The following ZC3H12C variants were observed in gnomAD, a reference collection of about 807,000 sequenced individuals.
The protein encoded by ZC3H12C is probable ribonuclease ZC3H12C.
A neutral mutation model predicts 76.3 loss-of-function variants in ZC3H12C; 20 were observed. The ratio of observed to expected loss-of-function variants is 0.26; its 90% confidence interval spans 0.18 to 0.38. ZC3H12C has a LOEUF of 0.38. Among genes scored for constraint, ZC3H12C ranks in the 10% least tolerant of loss-of-function variants. The pLI is 1.00. For missense variants in ZC3H12C, 874 were observed against 1,086.5 expected, an observed-to-expected ratio of 0.80 and a Z score of 2.75; for synonymous variants, 352 against 399.6, an observed-to-expected ratio of 0.88 and a Z score of 1.42.
At chr11:110,160,988 C>G (rs1294129019) in intron 4 of ZC3H12C, among the ~76,000 whole-genome samples, 2 of 150,050 alleles carry the variant, frequency 1.3e-5, no homozygotes, top group Admixed American at 1.3e-4. Context: ...AGGCACGCCC[C>G]ATCACACCTG....
intron 1 of ZC3H12C, among the ~76,000 whole-genome samples, chr11:110,098,092 T>C (rs760024987): frequency 6.6e-6 from 1 of 152,166 alleles, no homozygotes; most frequent in Non-Finnish European, 1.5e-5. Flanking sequence ...GGCATTATCA[T>C]AGGAGGTGAC....
At chr11:110,104,283 T>A (rs1861278115) in intron 1 of ZC3H12C, among the ~76,000 whole-genome samples, 1 of 152,042 alleles carries the variant, frequency 6.6e-6, no homozygotes, top group African/African-American at 2.4e-5. Flanking sequence ...GGTCTTGAAC[T>A]CCTGACCTCA....
intron 2 of ZC3H12C, among the ~76,000 whole-genome samples, chr11:110,138,660 G>A (rs1384183807): frequency 6.6e-6 from 1 of 151,544 alleles, no homozygotes; most frequent in Non-Finnish European, 1.5e-5. Context: ...AGGTTCAAGC[G>A]ATTCTTGTGC....
chr11:110,165,919 T>C lies in ZC3H12C; in HGVS notation c.*182T>C, dbSNP rs1444349334. On this transcript the variant is annotated 3_prime_UTR_variant, in exon 6 of 6. Transcript: ENST00000278590. ...CCCACATGGTGGAAGTATCACGGGA[T>C]TGCTTTACATTTAAACTTTTTTTTT... The C allele has an allele frequency of 1.6e-6, 1 of 621,530 alleles. No individual in the cohort carries two copies. Among genetic ancestry groups the C allele is most frequent in the African/African-American group, 1.9e-5 (1 of 51,446 alleles). The allele number at this position is 621,530 out of a possible 1,614,324, so 38.5% of individuals were successfully genotyped here. A position where few individuals can be genotyped will look rare whatever the true frequency, so the allele number is the denominator to read the frequency against.
chr11:110,106,753 G>C (rs1203233415), intron 1 of ZC3H12C, among the ~76,000 whole-genome samples: 2 of 152,110 alleles, frequency 1.3e-5, no homozygotes, highest in Non-Finnish European at 1.5e-5. Flanking sequence ...GTAATCATCT[G>C]GCTACCTTAC....
rs749388411 is a variant in ZC3H12C, at chr11:110,127,895, CA to C, written c.22-8753del. 5.6e-3 allele frequency among the ~76,000 whole-genome samples: 285 copies of C among 50,808 alleles called. 2 individuals are homozygous for C. Among genetic ancestry groups the C allele is most frequent in the Admixed American group, 6.5e-3 (30 of 4,626 alleles). The allele number at this position is 50,808 out of a possible 152,430, so 33.3% of individuals were successfully genotyped here. On this transcript the variant is annotated intron_variant, in intron 1 of 5. Transcript: ENST00000278590. ...TGGACAACACAGTGAGACTTACTCT[CA>C]AAAAAAAAAAAAAAGAGATTACATA...
At position 110,117,208 on chromosome 11, in the gene ZC3H12C, T is replaced by G. The variant is rs143012832; in HGVS notation, c.22-19455T>G. Among the ~76,000 whole-genome samples, 4 of 152,348 alleles carry G rather than the reference T, an allele frequency of 2.6e-5. No homozygotes were observed. The East Asian group carries it at 5.8e-4, about 22-fold the overall frequency. On this transcript the variant is annotated intron_variant, in intron 1 of 5. Coordinates refer to ENST00000278590, the MANE Select transcript of ZC3H12C (RefSeq NM_033390.2). ...GTTTAAAGAAAGTGACAAGCCATTCTTATGATTATTGATGTAAAAATTCTT... is the reference window on the plus strand; with the variant it reads ...GTTTAAAGAAAGTGACAAGCCATTCGTATGATTATTGATGTAAAAATTCTT...
At chr11:110,112,573 A>C (rs1018160999) in intron 1 of ZC3H12C, among the ~76,000 whole-genome samples, 1 of 152,232 alleles carries the variant, frequency 6.6e-6, no homozygotes, top group Admixed American at 6.5e-5. Flanking sequence ...AAATGGCAGC[A>C]CTAAGCGCTG....
At chr11:110,112,203 A>G (rs1038348531) in intron 1 of ZC3H12C, among the ~76,000 whole-genome samples, 3 of 152,170 alleles carry the variant, frequency 2.0e-5, no homozygotes, top group Admixed American at 2.0e-4. Context: ...TTTGGAACAT[A>G]TACATATATT....
intron 4 of ZC3H12C, among the ~76,000 whole-genome samples, chr11:110,160,326 TA>T (rs1862457008): frequency 6.6e-6 from 1 of 152,170 alleles, no homozygotes; most frequent in Non-Finnish European, 1.5e-5. Context: ...TATCAAAAAA[TA>T]CTTTTCTTTT....
chr11:110,102,531 A>C (rs2134145220), intron 1 of ZC3H12C, among the ~76,000 whole-genome samples: 1 of 152,250 alleles, frequency 6.6e-6, no homozygotes, highest in Admixed American at 6.5e-5. Flanking sequence ...GTGGTTTCTT[A>C]ATTTGGAATC....
chr11:110,102,886 T>C (rs1861244512), intron 1 of ZC3H12C, among the ~76,000 whole-genome samples: 1 of 152,182 alleles, frequency 6.6e-6, no homozygotes, highest in Non-Finnish European at 1.5e-5. Flanking sequence ...GCTCAGATAA[T>C]CATTAGAATT....
At chr11:110,151,237 T>G (rs1862266688) in intron 2 of ZC3H12C, among the ~76,000 whole-genome samples, 2 of 152,186 alleles carry the variant, frequency 1.3e-5, no homozygotes, top group African/African-American at 4.8e-5. Flanking sequence ...GTTATTTAAT[T>G]ATTTAGGAGA....
chr11:110,158,634 G>A (rs951231272), intron 3 of ZC3H12C, among the ~76,000 whole-genome samples: 4 of 152,156 alleles, frequency 2.6e-5, no homozygotes, highest in Non-Finnish European at 5.9e-5. Context: ...CCACAAGAAT[G>A]CTGGCATTTG....
chr11:110,148,738 C>A (rs1266412590), intron 2 of ZC3H12C, among the ~76,000 whole-genome samples: 4 of 152,196 alleles, frequency 2.6e-5, no homozygotes, highest in Non-Finnish European at 4.4e-5. Context: ...AGCAGAAAAC[C>A]CCTGCATCCA....
rs1008437650 is a variant in ZC3H12C at position 110,168,333 on chromosome 11, A to C, written c.*2596A>C. 2 of 152,036 alleles carry C rather than the reference A, an allele frequency of 1.3e-5. No homozygotes were observed. The highest frequency in any genetic ancestry group is 2.9e-5 in the Non-Finnish European group (2 of 67,964). The allele number at this position is 152,036 out of a possible 1,614,324, so 9.4% of individuals were successfully genotyped here. On this transcript the variant is annotated 3_prime_UTR_variant, in exon 6 of 6. Coordinates refer to ENST00000278590, the MANE Select transcript of ZC3H12C (RefSeq NM_033390.2). ...GAGGACAGTTTGTCCCCTTTTTTTG[A>C]AGCACCGATGTTGCGTTCAGAGCTG... is the stretch of plus-strand genomic sequence containing the variant.
At chr11:110,101,341 CAG>C (rs931959516) in intron 1 of ZC3H12C, among the ~76,000 whole-genome samples, 24 of 152,164 alleles carry the variant, frequency 1.6e-4, no homozygotes, top group Non-Finnish European at 2.8e-4. Context: ...CTACACTAAA[CAG>C]ATTTTTCTAT....
rs375422445 is a variant in ZC3H12C at position 110,165,411 on chromosome 11, A to G, written c.2326A>G (p.Ser776Gly). 2.3e-5 allele frequency: 37 copies of G among 1,613,904 alleles called. No individual in the cohort carries two copies. Among genetic ancestry groups the G allele is most frequent in the Non-Finnish European group, 3.1e-5 (36 of 1,179,902 alleles). The change falls in exon 6 of 6, where the codon AGC becomes GGC. Residue 776 changes from serine (S) to glycine (G), a missense_variant. This residue lies in a region of ZC3H12C where 395 missense variants were observed against 434.4 expected (regional missense o/e 0.91). Transcript: ENST00000278590. The stretch of plus-strand genomic sequence containing the variant: ...TTATTCCCGCCAGGAAGGCCTGGGA[A>G]GCTGGGAGAGGCCAGGCTATGGGAT... Reference protein sequence around the residue: ...KPYSRQEGLGSWERPGYGIDA... With the variant: ...KPYSRQEGLGGWERPGYGIDA...
chr11:110,148,631 A>G (rs2134187612), intron 2 of ZC3H12C, among the ~76,000 whole-genome samples: 1 of 152,350 alleles, frequency 6.6e-6, no homozygotes, highest in Non-Finnish European at 1.5e-5. Flanking sequence ...GAGATATACC[A>G]ATCTTCCTTA....
Sources: gnomAD v4.1 joint callset for allele counts (sites outside exome capture counted in the v4.1 genomes callset) on GRCh38, gnomAD v4.1.1 for gene constraint, gnomAD v4.1.1 regional missense constraint, MANE v1.5 for transcripts, NCBI Gene and HGNC (gene_info 2026-07-23, HGNC 2026-07-21) for gene names.